RMC1: variants seen among roughly 807,000 people sequenced by gnomAD.
RMC1 encodes the protein regulator of MON1-CCZ1 complex.
A neutral mutation model predicts 95.5 loss-of-function variants in RMC1; 44 were observed. The ratio of observed to expected loss-of-function variants is 0.46; its 90% CI spans 0.36 to 0.59. The LOEUF (loss-of-function observed/expected upper bound fraction) is 0.59. Ranked by LOEUF, RMC1 falls within the 20% of genes least tolerant of loss-of-function variation. The probability of loss-of-function intolerance (pLI) is 0.00; values close to 1 mark genes in which losing one functional copy is unlikely to be tolerated. For synonymous variants in RMC1, 320 were observed against 303.6 expected, an observed-to-expected ratio of 1.05 and a Z score of -0.56; for missense variants, 705 against 819.6, an observed-to-expected ratio of 0.86 and a Z score of 1.71.
At chr18:23,520,566 T>C (rs537261503) in intron 10 of RMC1, among the ~76,000 whole-genome samples, 43 of 152,304 alleles carry the variant, frequency 2.8e-4, no homozygotes, top group African/African-American at 1.0e-3. Flanking sequence ...TTCAAGTGAT[T>C]ATCCTGCCTC....
chr18:23,525,827 C>T (rs1382537555), intron 12 of RMC1, among the ~76,000 whole-genome samples: 2 of 152,102 alleles, frequency 1.3e-5, no homozygotes, highest in African/African-American at 4.8e-5. Context: ...CTCTTTAATC[C>T]TCTGTGTATT....
chr18:23,525,156 G>A (rs548532370), intron 12 of RMC1, among the ~76,000 whole-genome samples: 1 of 151,594 alleles, frequency 6.6e-6, no homozygotes, highest in Admixed American at 6.6e-5. Context: ...ATGTTGGTCA[G>A]GCTGGTCTCA....
intron 10 of RMC1, 25 bp from the exon 11 acceptor site, chr18:23,524,105 G>A: frequency 6.2e-7 from 1 of 1,613,714 alleles, no homozygotes. Flanking sequence ...CTGCATCGTT[G>A]CACTTATGTT....
At chr18:23,530,649 C>A in intron 19 of RMC1, 37 bp downstream of exon 19, 1 of 1,589,546 alleles carries the variant, frequency 6.3e-7, no homozygotes. Context: ...GTAACCATAG[C>A]CTCAAAGAGT....
At chr18:23,524,065 A>G (rs969708209) in intron 10 of RMC1, 65 bp from the exon 11 acceptor site, 6 of 1,516,308 alleles carry the variant, frequency 4.0e-6, no homozygotes, top group East Asian at 2.3e-5. Context: ...CTTTTGTGTC[A>G]TAAGTACCAG....
rs754183505 is a variant in RMC1, at chr18:23,529,599, G to A, written c.1417-36G>A. 2.2e-5 allele frequency: 34 copies of A among 1,560,844 alleles called. No homozygotes were observed. The South Asian group carries it at 3.2e-4, about 15-fold the overall frequency. ...TTATATGCAGCCTCTTTTGCACCTC[G>A]TTGGTATTTGTAAGACCACATTTTT... On this transcript the variant is annotated intron_variant, in intron 15 of 19. Coordinates refer to ENST00000269221, the MANE Select transcript of RMC1 (RefSeq NM_013326.5).
intron 5 of RMC1, among the ~76,000 whole-genome samples, chr18:23,514,952 T>C (rs971406783): frequency 9.9e-5 from 15 of 152,230 alleles, no homozygotes; most frequent in African/African-American, 3.6e-4. Flanking sequence ...TTAGGGTACA[T>C]TGAAAATGTG....
rs866254778 is a variant in RMC1, at chr18:23,530,387, C to T, written c.1669C>T (p.Arg557Ter). The change falls in exon 19 of 20, where the codon CGA becomes TGA. Residue 557 changes from arginine to a stop codon, truncating the protein, a stop_gained and splice_region_variant. Transcript: ENST00000269221. LOFTEE classifies it high-confidence loss of function. ...CTGGACTTCTCTCCCTTACTGCTAG[C>T]GACTTTCAACAGCAAATGATGAAAT... ...AHQLSLDMLK[R>*]LSTANDEIVE... is the part of the protein sequence containing the mutation. 1.9e-6 allele frequency: 3 copies of T among 1,614,138 alleles called. No homozygotes were observed. Among genetic ancestry groups the T allele is most frequent in the Non-Finnish European group, 2.5e-6 (3 of 1,179,992 alleles).
chr18:23,529,088 C>T (rs778607109), intron 14 of RMC1, 91 bp from the exon 15 acceptor site: 93 of 1,520,980 alleles, frequency 6.1e-5, no homozygotes, highest in Non-Finnish European at 8.2e-5. Context: ...CCTGGGTCCA[C>T]ATCGAAGAAT....
intron 10 of RMC1, 54 bp from the exon 11 acceptor site, chr18:23,524,076 C>G: frequency 6.4e-7 from 1 of 1,563,842 alleles, no homozygotes; most frequent in Non-Finnish European, 8.8e-7. Flanking sequence ...TAAGTACCAG[C>G]ATTTGCAGCA....
Position 23,520,249 on chromosome 18 carries a change from C to G in RMC1, c.897C>G (p.Ser299=). 1 of 1,614,116 alleles carries G rather than the reference C, an allele frequency of 6.2e-7. No homozygotes were observed. Among genetic ancestry groups the G allele is most frequent in the Non-Finnish European group, 8.5e-7 (1 of 1,180,020 alleles). The stretch of plus-strand genomic sequence containing the variant: ...AGTTACGGGGAGAGTTTGACGGCTC[C>G]GTTACCTTCCACCACCCCGTGCTTC... ...DIKLRGEFDG[S]VTFHHPVLPA... is the part of the protein sequence containing the mutation. The change falls in exon 10 of 20, where the codon TCC becomes TCG. Residue 299 remains serine (S), a synonymous_variant. Transcript: ENST00000269221.
chr18:23,514,167 A>G, intron 5 of RMC1, among the ~76,000 whole-genome samples: 1 of 152,212 alleles, frequency 6.6e-6, no homozygotes, highest in Non-Finnish European at 1.5e-5. Context: ...GGTTAGAGAA[A>G]ATACACCTGT....
chr18:23,529,907 C>G, intron 16 of RMC1, 121 bp from the exon 17 acceptor site: 1 of 1,099,194 alleles, frequency 9.1e-7, no homozygotes, highest in Non-Finnish European at 1.3e-6. Flanking sequence ...ATGACGAAAC[C>G]ACTTCTTGTA....
chr18:23,511,458 T>A (rs1370522528), intron 5 of RMC1, among the ~76,000 whole-genome samples: 1 of 152,188 alleles, frequency 6.6e-6, no homozygotes, highest in Non-Finnish European at 1.5e-5. Context: ...CCTTCACATC[T>A]ATCCCTGAAC....
chr18:23,531,048 G>A (rs1039990032), intron 19 of RMC1, among the ~76,000 whole-genome samples: 7 of 152,048 alleles, frequency 4.6e-5, no homozygotes, highest in African/African-American at 1.7e-4. Context: ...AGGCTGGAGT[G>A]CAGTGGTGTG....
In RMC1 at chr18:23,520,278, C is replaced by T. The variant is rs1442360066; in HGVS notation, c.926C>T (p.Ala309Val). Residue 309 changes from alanine (A) to valine (V), a missense_variant, in exon 10 of 20, where the codon GCT becomes GTT. Ala to Val is a moderately conservative substitution (Grantham distance 64). Transcript: ENST00000269221. The stretch of plus-strand genomic sequence containing the variant: ...ACCTTCCACCACCCCGTGCTTCCCG[C>T]TCGATCGATCCAGCCCTATCAGATC... ...SVTFHHPVLP[A>V]RSIQPYQIPI... 1 of 1,614,104 alleles carries T rather than the reference C, an allele frequency of 6.2e-7. No homozygotes were observed. Among genetic ancestry groups the T allele is most frequent in the Non-Finnish European group, 8.5e-7 (1 of 1,179,984 alleles).
intron 19 of RMC1, 57 bp downstream of exon 19, chr18:23,530,669 C>T (rs2058467376): frequency 1.3e-6 from 2 of 1,529,576 alleles, no homozygotes; most frequent in Non-Finnish European, 1.8e-6. Flanking sequence ...TAGCAGAGGG[C>T]ACTGGCAGCT....
At chr18:23,504,976 G>C (rs992340578) in intron 2 of RMC1, among the ~76,000 whole-genome samples, 1 of 152,134 alleles carries the variant, frequency 6.6e-6, no homozygotes. Context: ...CTGTAACACT[G>C]GTGCTTACAG....
At chr18:23,504,544 C>G in intron 2 of RMC1, 97 bp downstream of exon 2, 2 of 1,109,110 alleles carry the variant, frequency 1.8e-6, no homozygotes, top group South Asian at 2.6e-5. Context: ...TTTGGTCTGC[C>G]CTAAGAGGCC....
Sources: allele counts gnomAD v4.1 joint callset (sites outside exome capture counted in the v4.1 genomes callset), GRCh38; gene constraint gnomAD v4.1.1; transcripts MANE v1.5; gene names NCBI Gene and HGNC (gene_info 2026-07-23, HGNC 2026-07-21).